DST: variants seen among roughly 807,000 people sequenced by gnomAD.
DST encodes dystonin, also known as bullous pemphigoid antigen.
In DST, 253 loss-of-function variants were observed where a neutral mutation model predicts 875.2. The observed-to-expected ratio is 0.29, with a 90% CI of 0.26 to 0.32. The LOEUF (loss-of-function observed/expected upper bound fraction) is 0.32, where lower values mean the gene tolerates loss of function less well. DST is among the 10% of genes least tolerant of loss of function. The pLI, the probability that DST is intolerant of heterozygous loss-of-function variation, is 1.00. For missense variants in DST, 8,287 were observed against 9,111.6 expected, an observed-to-expected ratio of 0.91 and a Z score of 3.68; for synonymous variants, 3,124 against 3,197.1, an observed-to-expected ratio of 0.98 and a Z score of 0.77.
rs376225403 is a variant in DST at position 56,915,038 on chromosome 6, G to A, written c.217-14417C>T. On this transcript the variant is annotated intron_variant, in intron 2 of 103. Transcript: ENST00000680361. ...CACAGCCCCGGGCACAGACAGTCAT[G>A]CGCAATGACAGACTCTATAAATAGC... Among the ~76,000 whole-genome samples the A allele has an allele frequency of 2.4e-4, 37 of 152,314 alleles. No individual in the cohort carries two copies. The South Asian group carries it at 3.7e-3, about 15-fold the overall frequency.
At chr6:56,767,429 C>A (rs188408434) in intron 4 of DST, among the ~76,000 whole-genome samples, 2 of 152,050 alleles carry the variant, frequency 1.3e-5, no homozygotes, top group East Asian at 3.9e-4. Flanking sequence ...CCAGCCTGAC[C>A]AACATGGCGA....
intron 49 of DST, among the ~76,000 whole-genome samples, chr6:56,590,165 G>C (rs2098244411): frequency 1.3e-5 from 2 of 152,042 alleles, no homozygotes. Context: ...TCTCCTTTGA[G>C]ATCTCTTTCT....
chr6:56,723,564 C>CA (rs113725772), intron 5 of DST, among the ~76,000 whole-genome samples: 2,007 of 150,552 alleles, frequency 0.013, 41 homozygotes, highest in African/African-American at 0.046. Flanking sequence ...AACTCTGTTT[C>CA]AAAAAAAATT....
intron 4 of DST, among the ~76,000 whole-genome samples, chr6:56,841,206 T>C (rs1171000266): frequency 6.6e-6 from 1 of 152,192 alleles, no homozygotes; most frequent in Admixed American, 6.5e-5. Context: ...CATAACTGGC[T>C]TCAAAACACA....
chr6:56,792,622 C>T lies in DST; in HGVS notation c.626-57333G>A, dbSNP rs114564026. On this transcript the variant is annotated intron_variant, in intron 4 of 103. Transcript: ENST00000680361. ...GACTAAGTGATCAAATTCAACACCA[C>T]CATTAATGGAATACACTGATATGTG... 3.4e-3 allele frequency among the ~76,000 whole-genome samples: 515 copies of T among 152,140 alleles called. 4 individuals carry two copies. The highest frequency in any genetic ancestry group is 0.012 in the African/African-American group (500 of 41,494).
chr6:56,619,835 T>C (rs561125191), intron 36 of DST: 2 of 1,614,086 alleles, frequency 1.2e-6, no homozygotes, highest in Non-Finnish European at 1.7e-6. Flanking sequence ...AGCCTTTTCC[T>C]CAGATGACGT....
chr6:56,795,631 C>T (rs2099738469), intron 4 of DST, among the ~76,000 whole-genome samples: 1 of 152,100 alleles, frequency 6.6e-6, no homozygotes, highest in African/African-American at 2.4e-5. Flanking sequence ...GGGCTCCACT[C>T]CAGACCAATT....
In DST at chr6:56,605,963, C is replaced by A. The variant is rs755293364; in HGVS notation, c.8665G>T (p.Val2889Phe). ...QLASPSENNL[V>F]TEKSNLPEYT... ...TCTGGAAGGTTGCTTTTTTCAGTAA[C>A]TAAGTTATTTTCACTAGGTGATGCT... The change falls in exon 40 of 104, where the codon GTT becomes TTT. Residue 2889 changes from valine to phenylalanine, a missense_variant. By Grantham distance (50) the Val-to-Phe change is conservative. Around this residue, in one of 10 missense-constraint regions of DST, gnomAD observed 3,138 missense variants for 3,116.6 expected, o/e 1.01. Transcript: ENST00000680361. 6.2e-7 allele frequency: 1 copy of A among 1,612,682 alleles called. No individual in the cohort carries two copies. The highest frequency in any genetic ancestry group is 1.1e-5 in the South Asian group (1 of 91,058).
intron 3 of DST, among the ~76,000 whole-genome samples, chr6:56,879,654 C>T (rs1781165220): frequency 6.6e-6 from 1 of 152,102 alleles, no homozygotes. Flanking sequence ...TCATTCACTC[C>T]TTAATTAAGT....
chr6:56,478,821 A>G (rs1339580093), intron 90 of DST, among the ~76,000 whole-genome samples: 1 of 152,198 alleles, frequency 6.6e-6, no homozygotes, highest in African/African-American at 2.4e-5. Flanking sequence ...TTTACTATAC[A>G]AGAAAACCTA....
At chr6:56,916,798 A>T (rs1034515325) in intron 2 of DST, among the ~76,000 whole-genome samples, 3 of 146,782 alleles carry the variant, frequency 2.0e-5, no homozygotes, top group African/African-American at 5.1e-5. Context: ...ACACACACAC[A>T]CACACACACA....
At chr6:56,537,003 A>G in intron 61 of DST, 63 bp from the exon 62 acceptor site, 6 of 1,458,924 alleles carry the variant, frequency 4.1e-6, no homozygotes, top group South Asian at 1.2e-5. Context: ...AATATATAAT[A>G]AGCATTTCTT....
intron 49 of DST, among the ~76,000 whole-genome samples, chr6:56,591,855 G>A (rs925382297): frequency 2.0e-5 from 3 of 151,646 alleles, no homozygotes; most frequent in Non-Finnish European, 2.9e-5. Flanking sequence ...GGTGGCGGGC[G>A]CCTGTAGTCC....
In DST at chr6:56,865,184, T is replaced by A. The variant is rs181776003; in HGVS notation, c.418-13580A>T. ...TCCTAACAGAAACAGCCTAGCCCAA[T>A]TCAGAACACCATTCAAAAGAAATAT... On this transcript the variant is annotated intron_variant, in intron 3 of 103. Coordinates refer to ENST00000680361, the MANE Select transcript of DST (RefSeq NM_001374736.1). Among the ~76,000 whole-genome samples, 312 of 152,116 alleles carry A rather than the reference T, an allele frequency of 2.1e-3. 3 individuals carry two copies. The highest frequency in any genetic ancestry group is 7.4e-3 in the African/African-American group (305 of 41,490).
chr6:56,467,269 G>A (rs971946451), intron 98 of DST: 16 of 151,970 alleles, frequency 1.1e-4, no homozygotes, highest in Admixed American at 9.2e-4. Flanking sequence ...AAAACTCTAG[G>A]TAGAAAAAAA....
At chr6:56,805,153 T>C (rs948167976) in intron 4 of DST, among the ~76,000 whole-genome samples, 1 of 152,156 alleles carries the variant, frequency 6.6e-6, no homozygotes, top group Non-Finnish European at 1.5e-5. Context: ...ATCATGTGCA[T>C]CATGCAGTTT....
intron 4 of DST, among the ~76,000 whole-genome samples, chr6:56,738,819 C>T (rs1009575643): frequency 1.3e-5 from 2 of 151,522 alleles, no homozygotes; most frequent in South Asian, 2.1e-4. Context: ...GATGGGGTTT[C>T]GTCATGTTGC....
At position 56,714,510 on chromosome 6, in the gene DST, T is replaced by A. The variant is rs1377731888; in HGVS notation, c.688-10141A>T. On this transcript the variant is annotated intron_variant, in intron 5 of 103. Coordinates refer to ENST00000680361, the MANE Select transcript of DST (RefSeq NM_001374736.1). The surrounding 1 kb of genome is among the most constrained non-coding windows in gnomAD (Gnocchi z 4.5). ...GATGTCTCTTACTAAAGCTGAAATC[T>A]AAGTGGAAGTTATTTTCTCTCCAGC... Among the ~76,000 whole-genome samples the A allele has an allele frequency of 6.6e-6, 1 of 152,220 alleles. No homozygotes were observed. Among genetic ancestry groups the A allele is most frequent in the Admixed American group, 6.5e-5 (1 of 15,286 alleles).
intron 9 of DST, among the ~76,000 whole-genome samples, chr6:56,684,064 C>G (rs368895049): frequency 1.1e-3 from 170 of 152,308 alleles, no homozygotes; most frequent in African/African-American, 4.0e-3. Context: ...TTGCAACAGC[C>G]TCACCCATGT....
Sources: gnomAD v4.1 joint callset for allele counts (sites outside exome capture counted in the v4.1 genomes callset) on GRCh38, gnomAD v4.1.1 for gene constraint, gnomAD v4.1.1 regional missense constraint, Gnocchi (gnomAD v3.1) non-coding constraint, MANE v1.5 for transcripts, NCBI Gene and HGNC (gene_info 2026-07-23, HGNC 2026-07-21) for gene names.